ARMC2: variants seen among roughly 807,000 people sequenced by gnomAD.
The protein encoded by ARMC2 is armadillo repeat containing 2.
A neutral mutation model predicts 90.3 loss-of-function variants in ARMC2; 67 were observed. The ratio of observed to expected loss-of-function variants is 0.74; its 90% CI spans 0.61 to 0.91. ARMC2 has a LOEUF of 0.91. Ranked by LOEUF, ARMC2 falls within the 40% of genes least tolerant of loss-of-function variation. ARMC2 has a pLI of 0.00. For missense variants in ARMC2, 920 were observed against 1,030.9 expected (o/e 0.89, Z 1.47); for synonymous variants, 393 against 393.0 (o/e 1.00, Z 0.00).
At chr6:109,017,675 A>G in the ARMC2 span, among the ~76,000 whole-genome samples, 3 of 152,170 alleles carry the variant, frequency 2.0e-5, no homozygotes, top group African/African-American at 7.2e-5. Context: ...ACTTACATAA[A>G]TCATACAGAT....
chr6:108,976,325 T>A (rs958318809), downstream of ARMC2, among the ~76,000 whole-genome samples: 1 of 152,088 alleles, frequency 6.6e-6, no homozygotes, highest in African/African-American at 2.4e-5. Context: ...AGATGTGTGG[T>A]GTTATTTCTG....
rs926018304 is a variant in ARMC2 at position 108,899,711 on chromosome 6, C to A, written c.766C>A (p.Gln256Lys). Residue 256 changes from glutamine to lysine, a missense_variant, in exon 7 of 18, where the codon CAA (glutamine) becomes AAA (lysine). Physicochemically the swap from Gln to Lys is moderately conservative, Grantham distance 53. Coordinates refer to ENST00000392644, the MANE Select transcript of ARMC2 (RefSeq NM_032131.6). ...QTKAVPKADL[Q>K]EEDAEIEVDE... Reference sequence around the variant, plus strand: ...TTTTGCAGTCCCAAAAGCTGACCTGCAAGAAGAGGACGCAGAAATAGAAGT... The same window carrying A: ...TTTTGCAGTCCCAAAAGCTGACCTGAAAGAAGAGGACGCAGAAATAGAAGT... The A allele has an allele frequency of 1.9e-6, 3 of 1,613,260 alleles. No individual in the cohort carries two copies. The African/African-American group carries it at 4.0e-5, about 22-fold the overall frequency.
intron 10 of ARMC2, among the ~76,000 whole-genome samples, chr6:108,925,380 A>G (rs764732774): frequency 1.3e-5 from 2 of 152,168 alleles, no homozygotes; most frequent in Non-Finnish European, 2.9e-5. Context: ...AGCGCCCACC[A>G]TGTACCAGGC....
chr6:108,964,299 G>C lies in ARMC2; in HGVS notation c.2272G>C (p.Gly758Arg). The change falls in exon 16 of 18, where the codon GGT (glycine) becomes CGT (arginine). Residue 758 changes from glycine to arginine, a missense_variant. Coordinates refer to ENST00000392644, the MANE Select transcript of ARMC2 (RefSeq NM_032131.6). ...CAAGCGTGTCATCTTGAAAGAAGGA[G>C]GTGGCATTAAAAAGTAAGTTTCAGG... ...KDKRVILKEG[G>R]GIKKLVDCLR... 2 of 1,613,680 alleles carry C rather than the reference G, an allele frequency of 1.2e-6. No individual in the cohort carries two copies. Among genetic ancestry groups the C allele is most frequent in the Non-Finnish European group, 1.7e-6 (2 of 1,179,746 alleles).
chr6:108,866,035 A>AG (rs1775784290), intron 3 of ARMC2, among the ~76,000 whole-genome samples: 1 of 151,716 alleles, frequency 6.6e-6, no homozygotes, highest in African/African-American at 2.4e-5. Context: ...AAAAAAAAAA[A>AG]AAAGATCTCT....
chr6:109,047,009 T>G, the ARMC2 span, among the ~76,000 whole-genome samples: 1 of 46,194 alleles, frequency 2.2e-5, no homozygotes, highest in East Asian at 6.0e-4. Flanking sequence ...GTCAGCCCCC[T>G]GCCCGGCCAG....
intron 5 of ARMC2, among the ~76,000 whole-genome samples, chr6:108,879,281 CATCCATCCATCT>C (rs1159042115): frequency 6.6e-6 from 1 of 151,702 alleles, no homozygotes; most frequent in South Asian, 2.1e-4. Context: ...CCCATCCATT[CATCCATCCATCT>C]ATCCATCCAT....
At chr6:108,959,408 G>A (rs907493735) in intron 13 of ARMC2, 3 of 152,238 alleles carry the variant, frequency 2.0e-5, no homozygotes, top group African/African-American at 7.2e-5. Flanking sequence ...TTTCATACAG[G>A]AAAGAAAAGG....
chr6:108,930,572 G>T (rs1775449237), intron 11 of ARMC2, among the ~76,000 whole-genome samples: 1 of 132,012 alleles, frequency 7.6e-6, no homozygotes, highest in African/African-American at 2.8e-5. Context: ...ATTAAGTTTT[G>T]TCAAATGCTT....
chr6:108,936,771 G>C, intron 11 of ARMC2, 129 bp from the exon 12 acceptor site: 1 of 737,970 alleles, frequency 1.4e-6, no homozygotes, highest in South Asian at 1.8e-5. Flanking sequence ...GATGTGTAGA[G>C]TATTTTTAGA....
chr6:108,856,660 G>T, intron 2 of ARMC2: 1 of 166,484 alleles, frequency 6.0e-6, no homozygotes, highest in South Asian at 1.4e-4. Context: ...TGACCTGGAT[G>T]AGAGTGGTCT....
chr6:108,915,310 G>T (rs556033426), intron 10 of ARMC2, among the ~76,000 whole-genome samples: 7 of 152,160 alleles, frequency 4.6e-5, no homozygotes, highest in African/African-American at 1.7e-4. Context: ...TAAATTACTT[G>T]TGGCTGTAGT....
the ARMC2 span, among the ~76,000 whole-genome samples, chr6:108,979,654 C>T: frequency 1.3e-5 from 2 of 152,102 alleles, no homozygotes; most frequent in African/African-American, 4.8e-5. Context: ...TTGGTCTTTT[C>T]ACATAGTCCC....
chr6:109,030,045 A>T, the ARMC2 span, among the ~76,000 whole-genome samples: 6 of 152,310 alleles, frequency 3.9e-5, no homozygotes, highest in Non-Finnish European at 8.8e-5. Context: ...TATAAGTGGC[A>T]GGTAAAAATA....
At chr6:109,039,460 T>A in the ARMC2 span, among the ~76,000 whole-genome samples, 5 of 152,328 alleles carry the variant, frequency 3.3e-5, no homozygotes, top group South Asian at 4.1e-4. Flanking sequence ...CAGTTCAAGA[T>A]GAGGTCCAAT....
At chr6:108,964,096 C>T (rs999702070) in intron 15 of ARMC2, 84 bp from the exon 16 acceptor site, 45 of 1,485,932 alleles carry the variant, frequency 3.0e-5, no homozygotes, top group African/African-American at 4.2e-5. Flanking sequence ...AGCCACTCCC[C>T]GTTTCCCCAT....
chr6:108,975,938 G>A (rs1219783219), downstream of ARMC2, among the ~76,000 whole-genome samples: 1 of 151,894 alleles, frequency 6.6e-6, no homozygotes, highest in Non-Finnish European at 1.5e-5. Flanking sequence ...AAATTTTCTC[G>A]TATTCTGTAG....
At chr6:108,943,334 C>G (rs1776587574) in intron 12 of ARMC2, among the ~76,000 whole-genome samples, 1 of 152,074 alleles carries the variant, frequency 6.6e-6, no homozygotes, top group Admixed American at 6.5e-5. Context: ...CTTTTCTATA[C>G]AACTGTGCTG....
rs556051594 is a variant in ARMC2, at chr6:108,938,037, G to A, written c.1596+1038G>A. 1.3e-3 allele frequency among the ~76,000 whole-genome samples: 200 copies of A among 152,192 alleles called. 1 individual carries two copies. The highest frequency in any genetic ancestry group is 4.5e-3 in the African/African-American group (187 of 41,508). ...TTTTATTATAAGTTTTTAAATATTC[G>A]TTAAAGCAAAGTCTACTTTTATTCA... On this transcript the variant is annotated intron_variant, in intron 12 of 17. Coordinates refer to ENST00000392644, the MANE Select transcript of ARMC2 (RefSeq NM_032131.6).
Sources: allele counts gnomAD v4.1 joint callset (sites outside exome capture counted in the v4.1 genomes callset), GRCh38; gene constraint gnomAD v4.1.1; transcripts MANE v1.5; gene names NCBI Gene and HGNC (gene_info 2026-07-23, HGNC 2026-07-21).